The following ZNF469 variants were observed in gnomAD, a reference collection of about 807,000 sequenced individuals.
ZNF469 encodes zinc finger protein 469.
ZNF469 carries 1 observed loss-of-function variant against 1.0 expected under a neutral mutation model. The observed-to-expected ratio is 1.00, with a 90% CI of 0.35 to 4.73. The LOEUF (loss-of-function observed/expected upper bound fraction) is 4.73. ZNF469 is among the 30% of genes most tolerant of loss of function. The probability of loss-of-function intolerance (pLI) is 0.16; values close to 1 mark genes in which losing one functional copy is unlikely to be tolerated. For missense variants in ZNF469, 6,100 were observed against 5,356.3 expected (o/e 1.14, Z -4.33); for synonymous variants, 2,703 against 2,363.4 (o/e 1.14, Z -4.17).
intron 2 of ZNF469, among the ~76,000 whole-genome samples, chr16:88,425,904 G>A (rs547773753): frequency 5.3e-4 from 80 of 152,296 alleles, no homozygotes; most frequent in African/African-American, 1.5e-3. Context: ...CTGGGACCTC[G>A]CCCACCCTGG....
chr16:88,119,442 C>T, the ZNF469 span, among the ~76,000 whole-genome samples: 13 of 152,356 alleles, frequency 8.5e-5, no homozygotes, highest in South Asian at 1.0e-3. Flanking sequence ...TAACCTTGCA[C>T]GGCTGGGAGC....
At chr16:88,112,562 G>A in the ZNF469 span, among the ~76,000 whole-genome samples, 1 of 152,166 alleles carries the variant, frequency 6.6e-6, no homozygotes, top group Non-Finnish European at 1.5e-5. Context: ...TCAGATGCCT[G>A]TTGGCCATTT....
At chr16:88,140,104 A>G in the ZNF469 span, among the ~76,000 whole-genome samples, 1 of 152,340 alleles carries the variant, frequency 6.6e-6, no homozygotes, top group East Asian at 1.9e-4. Flanking sequence ...GTTTATCTAA[A>G]ATTATTTAAT....
the ZNF469 span, among the ~76,000 whole-genome samples, chr16:88,128,674 C>T: frequency 6.6e-6 from 1 of 152,268 alleles, no homozygotes. Context: ...CCTGAGCCTG[C>T]TCCCCATGAC....
At chr16:88,366,196 T>TTCA in the ZNF469 span, among the ~76,000 whole-genome samples, 326 of 121,990 alleles carry the variant, frequency 2.7e-3, 2 homozygotes, top group Non-Finnish European at 3.3e-3. Flanking sequence ...TATAACCATT[T>TTCA]TCATCATCAT....
chr16:88,178,849 ACCTTCACCTGGAGGCCG>A, the ZNF469 span: 3,547 of 150,708 alleles, frequency 0.024, 56 homozygotes, highest in Non-Finnish European at 0.027. Flanking sequence ...GGTGCTGACC[ACCTTCACCTGGAGGCCG>A]CCTTCACCTG....
the ZNF469 span, among the ~76,000 whole-genome samples, chr16:88,152,624 T>A: frequency 6.6e-6 from 1 of 152,096 alleles, no homozygotes; most frequent in Non-Finnish European, 1.5e-5. This position sits in a 1 kb window ranked among gnomAD's most constrained non-coding sequence, Gnocchi z 4.2. Context: ...TGTAGCTACC[T>A]CTGTGCTAAT....
intron 1 of ZNF469, among the ~76,000 whole-genome samples, chr16:88,400,416 C>T (rs891674043): frequency 2.0e-5 from 3 of 152,252 alleles, no homozygotes; most frequent in African/African-American, 4.8e-5. Context: ...CGGCTCACAC[C>T]TGTCAGAGCT....
the ZNF469 span, among the ~76,000 whole-genome samples, chr16:88,200,207 T>A: frequency 1.1e-4 from 17 of 151,912 alleles, no homozygotes; most frequent in Non-Finnish European, 2.5e-4. Flanking sequence ...AAGGCGGCAT[T>A]TGGGGAGAAG....
At chr16:88,261,883 G>C in the ZNF469 span, among the ~76,000 whole-genome samples, 12 of 152,122 alleles carry the variant, frequency 7.9e-5, no homozygotes. The surrounding 1 kb of genome is among the most constrained non-coding windows in gnomAD (Gnocchi z 6.0). Context: ...GGCTTCTGTG[G>C]ATGAGGACTC....
chr16:88,257,803 G>C, the ZNF469 span, among the ~76,000 whole-genome samples: 2 of 152,208 alleles, frequency 1.3e-5, no homozygotes, highest in Non-Finnish European at 2.9e-5. Context: ...AGGAACCCCA[G>C]ACCATGCTTC....
the ZNF469 span, among the ~76,000 whole-genome samples, chr16:88,360,622 G>A: frequency 0.012 from 399 of 32,836 alleles, 8 homozygotes; most frequent in East Asian, 0.023. Context: ...ATGCTCCCTC[G>A]AAGGCAGTCC....
At chr16:88,375,022 G>A in the ZNF469 span, among the ~76,000 whole-genome samples, 2 of 152,262 alleles carry the variant, frequency 1.3e-5, no homozygotes, top group Non-Finnish European at 2.9e-5. Context: ...AGGCACCGAA[G>A]CGCTGGGACT....
the ZNF469 span, among the ~76,000 whole-genome samples, chr16:88,247,370 GAGTGAGTGAA>G: frequency 2.3e-5 from 2 of 88,190 alleles, no homozygotes; most frequent in African/African-American, 1.7e-4. Context: ...GTGAATGAAT[GAGTGAGTGAA>G]TGAATGAGTC....
At chr16:88,234,567 C>T in the ZNF469 span, among the ~76,000 whole-genome samples, 2 of 152,220 alleles carry the variant, frequency 1.3e-5, no homozygotes, top group African/African-American at 4.8e-5. Context: ...GACCGTGGCA[C>T]AGCCTGTGGA....
chr16:88,313,566 T>C, the ZNF469 span, among the ~76,000 whole-genome samples: 1 of 151,116 alleles, frequency 6.6e-6, no homozygotes, highest in East Asian at 2.0e-4. Context: ...TATCTATCTC[T>C]GTAATTAAGA....
chr16:88,201,574 A>G, the ZNF469 span, among the ~76,000 whole-genome samples: 1 of 152,146 alleles, frequency 6.6e-6, no homozygotes. The surrounding 1 kb of genome is among the most constrained non-coding windows in gnomAD (Gnocchi z 5.0). Context: ...TTAAAAAAAA[A>G]AAATGAAAAC....
intron 1 of ZNF469, among the ~76,000 whole-genome samples, chr16:88,394,231 T>C (rs1473109702): frequency 0.15 from 16,781 of 112,572 alleles, 3,422 homozygotes; most frequent in Non-Finnish European, 0.2. Context: ...ACCTGTGCTG[T>C]CCAAGAGGAG....
Position 88,437,560 on chromosome 16 carries a change from G to T in ZNF469, c.10090G>T (p.Val3364Phe). The change falls in exon 3 of 3, where the codon GTC becomes TTC. Residue 3364 changes from valine to phenylalanine, a missense_variant. Val to Phe is a conservative substitution (Grantham distance 50). Coordinates refer to ENST00000565624, the MANE Select transcript of ZNF469 (RefSeq NM_001367624.2). ...CCTGGCGGTGCACAGCCCGCAGCGC[G>T]TCTACCTGTGCCCCCGGTGCCCCCG... ...RHLAVHSPQR[V>F]YLCPRCPRVY... The T allele has an allele frequency of 6.5e-7, 1 of 1,538,128 alleles. No homozygotes were observed.
Sources: gnomAD v4.1 joint callset for allele counts (sites outside exome capture counted in the v4.1 genomes callset) on GRCh38, gnomAD v4.1.1 for gene constraint, Gnocchi (gnomAD v3.1) non-coding constraint, MANE v1.5 for transcripts, NCBI Gene and HGNC (gene_info 2026-07-23, HGNC 2026-07-21) for gene names.